The following PAXIP1 variants were observed in gnomAD, a reference collection of about 807,000 sequenced individuals.
PAXIP1 encodes the protein PAX-interacting protein 1.
In PAXIP1, 19 loss-of-function variants were observed where a neutral mutation model predicts 140.6. That is an observed-to-expected ratio of 0.14 (90% confidence interval 0.09 to 0.20). The LOEUF (loss-of-function observed/expected upper bound fraction) is 0.20. Among genes scored for constraint, PAXIP1 ranks in the 10% least tolerant of loss-of-function variants. The probability of loss-of-function intolerance (pLI) is 1.00; values close to 1 mark genes in which losing one functional copy is unlikely to be tolerated. For synonymous variants in PAXIP1, 442 were observed against 444.6 expected (o/e 0.99, Z 0.07); for missense variants, 920 against 1,208.6 (o/e 0.76, Z 3.54).
chr7:154,959,486 T>C lies in PAXIP1; in HGVS notation c.2478+404A>G, dbSNP rs1212667063. Among the ~76,000 whole-genome samples, 6 of 152,240 alleles carry C rather than the reference T, an allele frequency of 3.9e-5. No homozygotes were observed. In the East Asian group the frequency reaches 5.8e-4, roughly 15 times the overall value. ...ACAACTGATCTTCCACTCATCATGC[T>C]TGACAGATGAGAATGCAGAAAGCAC... On this transcript the variant is annotated intron_variant, in intron 13 of 20. Transcript: ENST00000404141.
In PAXIP1 at chr7:154,943,859, C is replaced by T. The variant is rs1563355593; in HGVS notation, c.*290G>A. The T allele has an allele frequency of 1.3e-5, 5 of 380,550 alleles. No homozygotes were observed. The highest frequency in any genetic ancestry group is 4.9e-5 in the East Asian group (1 of 20,524). 23.6% of individuals were successfully genotyped at this position (380,550 alleles called of 1,614,324 possible). ...ACCATTTTATTTCTAGTTGAAGTCC[C>T]GTAACAGTTTTGTGAAAACATTTAA... On this transcript the variant is annotated 3_prime_UTR_variant, in exon 21 of 21. Coordinates refer to ENST00000404141, the MANE Select transcript of PAXIP1 (RefSeq NM_007349.4).
chr7:154,968,987 TGC>T lies in PAXIP1; in HGVS notation c.1212_1213del (p.Gln405AlafsTer190). ...CTGCTGCTGCTGCTGCTGGGCCTGC[TGC>T]TGCTGCTGTAGCATGTGTGTCTCTG... On this transcript the variant is annotated frameshift_variant, in exon 7 of 21. Coordinates refer to ENST00000404141, the MANE Select transcript of PAXIP1 (RefSeq NM_007349.4). LOFTEE classifies it high-confidence loss of function. The T allele has an allele frequency of 6.4e-7, 1 of 1,550,922 alleles. No homozygotes were observed. Among genetic ancestry groups the T allele is most frequent in the Non-Finnish European group, 8.7e-7 (1 of 1,146,616 alleles).
chr7:154,958,560 T>C (rs1053474677), intron 13 of PAXIP1, among the ~76,000 whole-genome samples: 2 of 152,372 alleles, frequency 1.3e-5, no homozygotes, highest in Non-Finnish European at 2.9e-5. Context: ...TTTATTACTT[T>C]CCTATTATAG....
intron 16 of PAXIP1, among the ~76,000 whole-genome samples, chr7:154,953,456 G>C (rs1261576810): frequency 1.3e-5 from 2 of 152,190 alleles, no homozygotes; most frequent in East Asian, 3.8e-4. Flanking sequence ...AAACGACTGA[G>C]AATTCAGTGA....
chr7:154,954,366 T>C lies in PAXIP1; in HGVS notation c.2710A>G (p.Ile904Val), dbSNP rs1808417407. 3 of 1,609,462 alleles carry C rather than the reference T, an allele frequency of 1.9e-6. No homozygotes were observed. In the East Asian group the frequency reaches 6.7e-5, roughly 36 times the overall value. Residue 904 changes from isoleucine to valine, a missense_variant, in exon 16 of 21, where the codon ATT becomes GTT. Physicochemically the swap from Ile to Val is conservative, Grantham distance 29. This residue lies in a region of PAXIP1 where 303 missense variants were observed against 517.9 expected (regional missense o/e 0.59). Transcript: ENST00000404141. The surrounding 1 kb of genome is among the most constrained non-coding windows in gnomAD (Gnocchi z 5.1). ...AESAQKCTHL[I>V]ASKVTRTVKF... ...ACGGTGCGAGTCACTTTGCTGGCAA[T>C]GAGGTGTGTGCACTTCTGTGCAGAC...
At chr7:154,992,798 G>C (rs1297929628) in intron 3 of PAXIP1, among the ~76,000 whole-genome samples, 1 of 152,098 alleles carries the variant, frequency 6.6e-6, no homozygotes, top group Non-Finnish European at 1.5e-5. Flanking sequence ...TTCTGAGTTG[G>C]AGTTGCTAAA....
chr7:154,986,169 G>T lies in PAXIP1; in HGVS notation c.325-2837C>A. On this transcript the variant is annotated intron_variant, in intron 4 of 20. Transcript: ENST00000404141. This position sits in a 1 kb window ranked among gnomAD's most constrained non-coding sequence, Gnocchi z 4.8. ...AGACTCCAACAAAGAGCTCCAGCTT[G>T]TATCAACACCCTGACGGGGAAAAGA... 1.5e-6 allele frequency: 2 copies of T among 1,361,496 alleles called. No individual in the cohort carries two copies. Among genetic ancestry groups the T allele is most frequent in the South Asian group, 2.3e-5 (2 of 86,436 alleles). The allele number at this position is 1,361,496 out of a possible 1,614,324, so 84.3% of individuals were successfully genotyped here. A position where few individuals can be genotyped will look rare whatever the true frequency, so the allele number is the denominator to read the frequency against.
rs1808470650 is a variant in PAXIP1, at chr7:154,955,614, G to A, written c.2567C>T (p.Pro856Leu). ...TTCTGGAGTTAGCTTTTTAGTGGGA[G>A]GTGGTACGTCTTCAATTCTGTGGAA... ...SKRARIEDVP[P>L]PTKKLTPELT... Residue 856 changes from proline (P) to leucine (L), a missense_variant, in exon 15 of 21, where the codon CCT becomes CTT. Physicochemically the swap from Pro to Leu is moderately conservative, Grantham distance 98. Transcript: ENST00000404141. 6.3e-7 allele frequency: 1 copy of A among 1,585,520 alleles called. No homozygotes were observed. The highest frequency in any genetic ancestry group is 2.3e-5 in the East Asian group (1 of 43,810).
At chr7:154,945,486 G>C (rs965054997) in intron 20 of PAXIP1, 72 of 983,122 alleles carry the variant, frequency 7.3e-5, no homozygotes, top group Non-Finnish European at 8.6e-5. Context: ...AACTCGGCAA[G>C]GATGGGTATC....
chr7:154,988,155 C>G (rs985499468), intron 4 of PAXIP1, among the ~76,000 whole-genome samples: 2 of 152,212 alleles, frequency 1.3e-5, no homozygotes, highest in African/African-American at 4.8e-5. Flanking sequence ...CGTGCAAATG[C>G]ACACCCTTGG....
chr7:154,984,090 A>T (rs1489945809), intron 4 of PAXIP1, among the ~76,000 whole-genome samples: 2 of 152,160 alleles, frequency 1.3e-5, no homozygotes, highest in Non-Finnish European at 2.9e-5. Context: ...ACCCCATTTT[A>T]AACATAAGGA....
rs1410392455 is a variant in PAXIP1, at chr7:154,946,218, A to G, written c.3194+147T>C. ...CTAGCAACTCAAATGAATATTCTGA[A>G]GAGAAAAGAATTGTTCACTGCATAA... On this transcript the variant is annotated intron_variant, in intron 20 of 20. Transcript: ENST00000404141. This position sits in a 1 kb window ranked among gnomAD's most constrained non-coding sequence, Gnocchi z 4.9. 1 of 1,465,678 alleles carries G rather than the reference A, an allele frequency of 6.8e-7. No individual in the cohort carries two copies. Among genetic ancestry groups the G allele is most frequent in the Non-Finnish European group, 9.0e-7 (1 of 1,111,956 alleles). The allele number at this position is 1,465,678 out of a possible 1,614,324, so 90.8% of individuals were successfully genotyped here. A position where few individuals can be genotyped will look rare whatever the true frequency, so the allele number is the denominator to read the frequency against.
At chr7:154,948,129 C>T (rs1808081211) in intron 16 of PAXIP1, 126 bp from the exon 17 acceptor site, 17 of 698,020 alleles carry the variant, frequency 2.4e-5, no homozygotes, top group South Asian at 9.5e-5. Flanking sequence ...GTACAGCCTT[C>T]GGATATTTAA....
At chr7:154,985,989 C>G in intron 4 of PAXIP1, 1 of 1,359,056 alleles carries the variant, frequency 7.4e-7, no homozygotes, top group Non-Finnish European at 9.8e-7. Context: ...CTCTCCATTA[C>G]ACTCTTGACC....
rs759045013 is a variant in PAXIP1 at position 154,986,154 on chromosome 7, A to AC, written c.325-2823_325-2822insG. 1 of 1,362,488 alleles carries AC rather than the reference A, an allele frequency of 7.3e-7. No homozygotes were observed. Among genetic ancestry groups the AC allele is most frequent in the Non-Finnish European group, 9.8e-7 (1 of 1,020,286 alleles). The allele number at this position is 1,362,488 out of a possible 1,614,324, so 84.4% of individuals were successfully genotyped here. A position where few individuals can be genotyped will look rare whatever the true frequency, so the allele number is the denominator to read the frequency against. ...TGGGAGAGCTCTGGAAGACTCCAAC[A>AC]AAGAGCTCCAGCTTGTATCAACACC... On this transcript the variant is annotated intron_variant, in intron 4 of 20. Coordinates refer to ENST00000404141, the MANE Select transcript of PAXIP1 (RefSeq NM_007349.4). This position sits in a 1 kb window ranked among gnomAD's most constrained non-coding sequence, Gnocchi z 4.8.
At chr7:154,948,976 G>T (rs956247478) in intron 16 of PAXIP1, 2 of 152,080 alleles carry the variant, frequency 1.3e-5, no homozygotes, top group Admixed American at 6.6e-5. Context: ...CAGATTTTCA[G>T]TTTTCATAGC....
chr7:154,963,683 G>A lies in PAXIP1; in HGVS notation c.1977C>T (p.Ser659=), dbSNP rs115314666. The A allele has an allele frequency of 3.9e-4, 630 of 1,612,286 alleles. No homozygotes were observed. In the African/African-American group the frequency reaches 6.5e-3, roughly 17 times the overall value. ...CTATTTTCCTTACCTGTGCATACGC[G>A]CTGCTGACTTGACTCTCACAGAGAA... The part of the protein sequence containing the change: ...THLLCESQVS[S]AYAQAIRERK... The change falls in exon 9 of 21, where the codon AGC becomes AGT. Residue 659 remains serine (S), a synonymous_variant. Coordinates refer to ENST00000404141, the MANE Select transcript of PAXIP1 (RefSeq NM_007349.4). This position sits in a 1 kb window ranked among gnomAD's most constrained non-coding sequence, Gnocchi z 4.1.
At chr7:154,968,035 GC>G in intron 7 of PAXIP1, 125 bp from the exon 8 acceptor site, 1 of 631,696 alleles carries the variant, frequency 1.6e-6, no homozygotes, top group Non-Finnish European at 2.7e-6. Context: ...TGACGTATCT[GC>G]CAGTAATCAG....
chr7:154,978,578 C>A (rs1173888355), intron 5 of PAXIP1, among the ~76,000 whole-genome samples: 1 of 152,122 alleles, frequency 6.6e-6, no homozygotes, highest in East Asian at 1.9e-4. Context: ...TTTTCAATTT[C>A]TGGACTACCC....
Sources: gnomAD v4.1 joint callset for allele counts (sites outside exome capture counted in the v4.1 genomes callset) on GRCh38, gnomAD v4.1.1 for gene constraint, gnomAD v4.1.1 regional missense constraint, Gnocchi (gnomAD v3.1) non-coding constraint, MANE v1.5 for transcripts, NCBI Gene and HGNC (gene_info 2026-07-23, HGNC 2026-07-21) for gene names.